The following ATRN variants were observed in gnomAD, a reference collection of about 807,000 sequenced individuals.
ATRN encodes the protein attractin-2.
Under a neutral mutation model 178.7 loss-of-function variants are expected in ATRN, and 54 were observed. The observed-to-expected ratio is 0.30, with a 90% confidence interval of 0.24 to 0.38. ATRN has a LOEUF of 0.38. ATRN is among the 10% of genes least tolerant of loss of function. The pLI, the probability that ATRN is intolerant of heterozygous loss-of-function variation, is 1.00. For synonymous variants in ATRN, 636 were observed against 663.0 expected, an observed-to-expected ratio of 0.96 and a Z score of 0.63; for missense variants, 1,443 against 1,815.1, an observed-to-expected ratio of 0.79 and a Z score of 3.73.
chr20:3,643,081 C>G (rs1483200134), intron 27 of ATRN, among the ~76,000 whole-genome samples: 1 of 152,148 alleles, frequency 6.6e-6, no homozygotes, highest in Non-Finnish European at 1.5e-5. Flanking sequence ...CCTCCTGGGT[C>G]TCCCAAAGTG....
chr20:3,587,604 A>G (rs769736999), intron 18 of ATRN, among the ~76,000 whole-genome samples: 3 of 152,048 alleles, frequency 2.0e-5, no homozygotes, highest in African/African-American at 2.4e-5. Flanking sequence ...CCTTTTGCCA[A>G]TATTACACTG....
intron 25 of ATRN, among the ~76,000 whole-genome samples, chr20:3,626,828 G>A (rs1268318969): frequency 7.2e-5 from 10 of 138,746 alleles, no homozygotes; most frequent in African/African-American, 2.8e-4. Context: ...TGTCACCCAG[G>A]CCAGAGTGCA....
At position 3,519,104 on chromosome 20, in the gene ATRN, C is replaced by T. The variant is rs563798897; in HGVS notation, c.411-16149C>T. On this transcript the variant is annotated intron_variant, in intron 1 of 28. Coordinates refer to ENST00000262919, the MANE Select transcript of ATRN (RefSeq NM_139321.3). Reference sequence around the variant, plus strand: ...TATAGCTGGCCATTGTAGCAAGAGGCAAGGACCATGAAGCTGCAGATCCTG... The same window carrying T: ...TATAGCTGGCCATTGTAGCAAGAGGTAAGGACCATGAAGCTGCAGATCCTG... Among the ~76,000 whole-genome samples the T allele has an allele frequency of 4.0e-5, 6 of 151,428 alleles. No homozygotes were observed. The East Asian group carries it at 1.2e-3, about 29-fold the overall frequency.
chr20:3,521,571 C>G (rs2085297048), intron 1 of ATRN, among the ~76,000 whole-genome samples: 1 of 152,050 alleles, frequency 6.6e-6, no homozygotes, highest in South Asian at 2.1e-4. Flanking sequence ...ATTTGCCTTT[C>G]AATATCAATA....
At chr20:3,568,975 T>C (rs1344830528) in intron 11 of ATRN, among the ~76,000 whole-genome samples, 1 of 152,160 alleles carries the variant, frequency 6.6e-6, no homozygotes, top group Non-Finnish European at 1.5e-5. Context: ...TGTAGTATGA[T>C]AGTTGAAACA....
intron 1 of ATRN, among the ~76,000 whole-genome samples, chr20:3,486,989 A>G (rs2084703642): frequency 6.6e-6 from 1 of 151,540 alleles, no homozygotes; most frequent in Non-Finnish European, 1.5e-5. Context: ...TTTACTTTCT[A>G]CTTCTCATAA....
chr20:3,594,672 T>C (rs2086499397), intron 20 of ATRN, 100 bp downstream of exon 20: 1 of 991,570 alleles, frequency 1.0e-6, no homozygotes, highest in Non-Finnish European at 1.5e-6. Context: ...GTCTTGTTGC[T>C]GTGGGCTCTG....
intron 1 of ATRN, among the ~76,000 whole-genome samples, chr20:3,517,861 C>T (rs1287845559): frequency 2.0e-5 from 3 of 151,966 alleles, no homozygotes; most frequent in Non-Finnish European, 4.4e-5. Flanking sequence ...GGCCCTGGAG[C>T]CCCAGGAGTC....
In ATRN at chr20:3,522,023, C is replaced by G. The variant is rs2085303395; in HGVS notation, c.411-13230C>G. Among the ~76,000 whole-genome samples, 3 of 151,936 alleles carry G rather than the reference C, an allele frequency of 2.0e-5. No individual in the cohort carries two copies. The South Asian group carries it at 6.2e-4, about 32-fold the overall frequency. Reference sequence around the variant, plus strand: ...TAGGCTGGTCTTAAATTCCTGGCCTCAAGTGATTCATCCACTTTGGCCTCC... The same window carrying G: ...TAGGCTGGTCTTAAATTCCTGGCCTGAAGTGATTCATCCACTTTGGCCTCC... On this transcript the variant is annotated intron_variant, in intron 1 of 28. Coordinates refer to ENST00000262919, the MANE Select transcript of ATRN (RefSeq NM_139321.3).
At chr20:3,543,095 G>A (rs2085648430) in intron 3 of ATRN, among the ~76,000 whole-genome samples, 2 of 152,146 alleles carry the variant, frequency 1.3e-5, no homozygotes, top group South Asian at 4.1e-4. Context: ...CCTCTTCTAA[G>A]AGGCCTTCCT....
Position 3,582,364 on chromosome 20 carries a change from CAGGTGAATT to C in ATRN, c.2764+16_2764+24del, listed in dbSNP as rs1568744319. 2 of 1,611,110 alleles carry C rather than the reference CAGGTGAATT, an allele frequency of 1.2e-6. No homozygotes were observed. Among genetic ancestry groups the C allele is most frequent in the Admixed American group, 3.3e-5 (2 of 59,994 alleles). ...GTCTGTGAAAGGCCTGGTAAGTTCA[CAGGTGAATT>C]AGGTGGTATTCAGAGTTTATTGTGA... On this transcript the variant is annotated intron_variant, in intron 16 of 28. Transcript: ENST00000262919.
chr20:3,550,884 C>A (rs2085777593), intron 6 of ATRN, among the ~76,000 whole-genome samples: 1 of 152,172 alleles, frequency 6.6e-6, no homozygotes, highest in Admixed American at 6.5e-5. Flanking sequence ...CATGCTCTTT[C>A]CAGACTCTAC....
At chr20:3,568,930 A>C (rs889323488) in intron 11 of ATRN, among the ~76,000 whole-genome samples, 11 of 152,188 alleles carry the variant, frequency 7.2e-5, no homozygotes, top group African/African-American at 2.7e-4. Flanking sequence ...TGCATAAAAC[A>C]TGGCACTAGA....
chr20:3,572,963 T>C lies in ATRN; in HGVS notation c.2092+12T>C. 6.2e-7 allele frequency: 1 copy of C among 1,607,190 alleles called. No individual in the cohort carries two copies. Among genetic ancestry groups the C allele is most frequent in the Non-Finnish European group, 8.5e-7 (1 of 1,174,650 alleles). On this transcript the variant is annotated intron_variant, in intron 12 of 28. Transcript: ENST00000262919. ...TTTTTCCAAAAGAAGTATGTTTTTT[T>C]TTCTCTACTTAGATTTTAATGAATT...
At chr20:3,630,536 G>A (rs16988779) in intron 25 of ATRN, among the ~76,000 whole-genome samples, 2,534 of 152,274 alleles carry the variant, frequency 0.017, 69 homozygotes, top group African/African-American at 0.058. Context: ...TGTAGCTCCA[G>A]TAGACATCCT....
At chr20:3,545,293 C>T (rs1436369962) in intron 3 of ATRN, among the ~76,000 whole-genome samples, 2 of 149,240 alleles carry the variant, frequency 1.3e-5, no homozygotes, top group African/African-American at 4.9e-5. Context: ...GCTTGAACCC[C>T]GGGACGCAGA....
intron 25 of ATRN, among the ~76,000 whole-genome samples, chr20:3,633,258 G>A (rs940418384): frequency 4.6e-5 from 7 of 152,214 alleles, no homozygotes; most frequent in African/African-American, 1.7e-4. Flanking sequence ...CTATTGAATT[G>A]CCTGTTGTCA....
chr20:3,622,589 A>G (rs376631413), intron 24 of ATRN, among the ~76,000 whole-genome samples: 81 of 152,374 alleles, frequency 5.3e-4, no homozygotes, highest in Admixed American at 1.5e-3. Flanking sequence ...TCATCTTGTC[A>G]GTCAAAGGTT....
chr20:3,603,243 C>T (rs2086635909), intron 23 of ATRN, among the ~76,000 whole-genome samples: 1 of 152,110 alleles, frequency 6.6e-6, no homozygotes, highest in Admixed American at 6.6e-5. Context: ...CCCCTCCTCC[C>T]TGCTACAGTG....
Sources: allele counts gnomAD v4.1 joint callset (sites outside exome capture counted in the v4.1 genomes callset), GRCh38; gene constraint gnomAD v4.1.1; transcripts MANE v1.5; gene names NCBI Gene and HGNC (gene_info 2026-07-23, HGNC 2026-07-21).